The following EXD3 variants were observed in gnomAD, a reference collection of about 807,000 sequenced individuals.
EXD3 encodes the protein exonuclease mut-7 homolog.
Under a neutral mutation model 98.0 loss-of-function variants are expected in EXD3, and 92 were observed. The ratio of observed to expected loss-of-function variants is 0.94; its 90% CI spans 0.79 to 1.12. EXD3 has a LOEUF of 1.12. Among genes scored for constraint, EXD3 ranks in the 50% most tolerant of loss-of-function variants. EXD3 has a pLI of 0.00. For synonymous variants in EXD3, 569 were observed against 526.0 expected (o/e 1.08, Z -1.12); for missense variants, 1,222 against 1,191.6 (o/e 1.03, Z -0.38).
intron 17 of EXD3, among the ~76,000 whole-genome samples, chr9:137,325,346 G>C (rs984383433): frequency 2.0e-5 from 3 of 152,208 alleles, no homozygotes; most frequent in East Asian, 1.9e-4. Flanking sequence ...CACACCACAG[G>C]GGGGCAACAT....
Position 137,371,796 on chromosome 9 carries a change from C to T in EXD3, c.462+1109G>A, listed in dbSNP as rs774046838. ...GCAGGACACCCCCGGGCTTCTTTGC[C>T]GCACCTCGTGCTGCACCCTAGAATC... On this transcript the variant is annotated intron_variant, in intron 5 of 21. Coordinates refer to ENST00000340951, the MANE Select transcript of EXD3 (RefSeq NM_017820.5). This position sits in a 1 kb window ranked among gnomAD's most constrained non-coding sequence, Gnocchi z 8.0. Among the ~76,000 whole-genome samples, 24 of 152,018 alleles carry T rather than the reference C, an allele frequency of 1.6e-4. No homozygotes were observed. The highest frequency in any genetic ancestry group is 3.9e-4 in the African/African-American group (16 of 41,398).
chr9:137,385,750 TC>T lies in EXD3; in HGVS notation c.56-2374del. Among the ~76,000 whole-genome samples, 1 of 152,042 alleles carries T rather than the reference TC, an allele frequency of 6.6e-6. No homozygotes were observed. Among genetic ancestry groups the T allele is most frequent in the Non-Finnish European group, 1.5e-5 (1 of 68,014 alleles). The stretch of plus-strand genomic sequence containing the variant: ...GTTTTCACCATGTTGGCCAGGCTGG[TC>T]TTGAACTCCTGAGCTCAATTGGTCC... On this transcript the variant is annotated intron_variant, in intron 2 of 21. Coordinates refer to ENST00000340951, the MANE Select transcript of EXD3 (RefSeq NM_017820.5). The surrounding 1 kb of genome is among the most constrained non-coding windows in gnomAD (Gnocchi z 4.4).
chr9:137,422,707 G>A (rs1407177624), intron 1 of EXD3, among the ~76,000 whole-genome samples: 1 of 152,224 alleles, frequency 6.6e-6, no homozygotes, highest in Non-Finnish European at 1.5e-5. Flanking sequence ...CCTGCAGGGA[G>A]GCGCCCGTCC....
In EXD3 at chr9:137,352,607, T is replaced by A; in HGVS notation, c.1037+13A>T. On this transcript the variant is annotated intron_variant, in intron 11 of 21. Coordinates refer to ENST00000340951, the MANE Select transcript of EXD3 (RefSeq NM_017820.5). ...AACCCACCCCTGGCTGGGGTCACCC[T>A]GGCGGCGCTCACCTCCCCTGGAGCC... The A allele has an allele frequency of 6.5e-7, 1 of 1,533,806 alleles. No individual in the cohort carries two copies. The highest frequency in any genetic ancestry group is 8.8e-7 in the Non-Finnish European group (1 of 1,139,734).
intron 1 of EXD3, among the ~76,000 whole-genome samples, chr9:137,414,074 G>A (rs1229822387): frequency 2.6e-5 from 4 of 152,004 alleles, no homozygotes; most frequent in Admixed American, 1.3e-4. Context: ...CCGCCACCAC[G>A]CCCGGCTAAT....
chr9:137,361,194 C>T (rs1226538910), intron 7 of EXD3, among the ~76,000 whole-genome samples: 1 of 86,996 alleles, frequency 1.1e-5, no homozygotes, highest in African/African-American at 3.2e-5. Context: ...TCCCTGAGTT[C>T]GCAGAGAAGA....
intron 7 of EXD3, among the ~76,000 whole-genome samples, chr9:137,362,834 G>T (rs1269424810): frequency 1.3e-5 from 2 of 151,978 alleles, no homozygotes; most frequent in East Asian, 3.9e-4. Flanking sequence ...TTTTGAGATG[G>T]AGTTTCACTC....
At chr9:137,329,213 C>A (rs1434110707) in intron 17 of EXD3, among the ~76,000 whole-genome samples, 1 of 19,210 alleles carries the variant, frequency 5.2e-5, no homozygotes, top group Non-Finnish European at 7.6e-5. Context: ...CGGGGCTACA[C>A]GGGACGACAC....
In EXD3 at chr9:137,395,494, G is replaced by C. The variant is rs1028349383; in HGVS notation, c.-47-90C>G. 2 of 1,293,150 alleles carry C rather than the reference G, an allele frequency of 1.5e-6. No individual in the cohort carries two copies. Among genetic ancestry groups the C allele is most frequent in the African/African-American group, 2.9e-5 (2 of 68,246 alleles). The allele number at this position is 1,293,150 out of a possible 1,614,324, so 80.1% of individuals were successfully genotyped here. A position where few individuals can be genotyped will look rare whatever the true frequency, so the allele number is the denominator to read the frequency against. On this transcript the variant is annotated intron_variant, in intron 1 of 21. Coordinates refer to ENST00000340951, the MANE Select transcript of EXD3 (RefSeq NM_017820.5). This position sits in a 1 kb window ranked among gnomAD's most constrained non-coding sequence, Gnocchi z 6.5. ...GCCCACAGCCCCTGGAGGTGGTGGA[G>C]GGAGCTGGTGCCTGGGGGGGCCCAA...
intron 19 of EXD3, among the ~76,000 whole-genome samples, chr9:137,316,306 G>C (rs917430015): frequency 4.6e-5 from 7 of 151,998 alleles, no homozygotes; most frequent in Non-Finnish European, 8.8e-5. Context: ...CCGCCCGCCC[G>C]CGGCCTTCGC....
At chr9:137,326,525 C>T (rs1832412680) in intron 17 of EXD3, among the ~76,000 whole-genome samples, 1 of 151,308 alleles carries the variant, frequency 6.6e-6, no homozygotes, top group South Asian at 2.1e-4. Context: ...GACCTTATCT[C>T]AAAAAGAAAA....
At chr9:137,399,798 G>T (rs1276894115) in intron 1 of EXD3, among the ~76,000 whole-genome samples, 2 of 152,186 alleles carry the variant, frequency 1.3e-5, no homozygotes, top group Non-Finnish European at 2.9e-5. Flanking sequence ...AGCACTTTGG[G>T]AGGCTGAGGC....
intron 1 of EXD3, among the ~76,000 whole-genome samples, chr9:137,412,702 G>A (rs1314969872): frequency 6.6e-6 from 1 of 152,232 alleles, no homozygotes; most frequent in Non-Finnish European, 1.5e-5. Flanking sequence ...GGCCTCCTCA[G>A]TGAACAGCAG....
intron 1 of EXD3, among the ~76,000 whole-genome samples, chr9:137,399,528 C>T (rs546083399): frequency 6.6e-5 from 10 of 152,198 alleles, no homozygotes; most frequent in Non-Finnish European, 1.3e-4. Context: ...ATACTATCCA[C>T]GAGTTCTGGT....
chr9:137,408,604 C>T (rs1267093349), intron 1 of EXD3, among the ~76,000 whole-genome samples: 1 of 149,490 alleles, frequency 6.7e-6, no homozygotes, highest in South Asian at 2.1e-4. Flanking sequence ...ACGGCCCCCA[C>T]ACCTCCCCCC....
chr9:137,333,300 A>G (rs1316576472), intron 17 of EXD3, among the ~76,000 whole-genome samples: 1 of 152,134 alleles, frequency 6.6e-6, no homozygotes, highest in Non-Finnish European at 1.5e-5. Flanking sequence ...CGGATCCACC[A>G]CTGGCTTCCT....
intron 17 of EXD3, among the ~76,000 whole-genome samples, chr9:137,338,168 A>G (rs1833458939): frequency 6.6e-6 from 1 of 152,212 alleles, no homozygotes; most frequent in Non-Finnish European, 1.5e-5. Context: ...ATCTTAAGAA[A>G]TTTCCAAAAT....
At chr9:137,394,551 G>A (rs889408988) in intron 2 of EXD3, among the ~76,000 whole-genome samples, 25 of 150,542 alleles carry the variant, frequency 1.7e-4, no homozygotes, top group Admixed American at 3.3e-4. Flanking sequence ...CCCAGCCTCC[G>A]CTTCCCTAAT....
chr9:137,307,482 G>A (rs1352081742), intron 21 of EXD3, 126 bp downstream of exon 21: 3 of 1,348,818 alleles, frequency 2.2e-6, no homozygotes, highest in Admixed American at 2.4e-5. Context: ...CAGGCCCTAG[G>A]GCCTACAGGA....
Sources: gnomAD v4.1 joint callset for allele counts (sites outside exome capture counted in the v4.1 genomes callset) on GRCh38, gnomAD v4.1.1 for gene constraint, Gnocchi (gnomAD v3.1) non-coding constraint, MANE v1.5 for transcripts, NCBI Gene and HGNC (gene_info 2026-07-23, HGNC 2026-07-21) for gene names.